MAIP1: variants seen among roughly 807,000 people sequenced by gnomAD.
MAIP1 encodes matrix AAA peptidase interacting protein 1.
Under a neutral mutation model 31.2 loss-of-function variants are expected in MAIP1, and 28 were observed. That is an observed-to-expected ratio of 0.90 (90% confidence interval 0.67 to 1.23). MAIP1 has a LOEUF of 1.23. MAIP1 is among the 50% of genes most tolerant of loss of function. The probability of loss-of-function intolerance (pLI) is 0.00; values close to 1 mark genes in which losing one functional copy is unlikely to be tolerated. For synonymous variants in MAIP1, 142 were observed against 142.3 expected, an observed-to-expected ratio of 1.00 and a Z score of 0.02; for missense variants, 339 against 356.0, an observed-to-expected ratio of 0.95 and a Z score of 0.38.
Position 199,956,210 on chromosome 2 carries a change from G to C in MAIP1, c.412G>C (p.Glu138Gln). 6.2e-7 allele frequency: 1 copy of C among 1,613,980 alleles called. No individual in the cohort carries two copies. Among genetic ancestry groups the C allele is most frequent in the Non-Finnish European group, 8.5e-7 (1 of 1,179,954 alleles). Residue 138 changes from glutamate (E) to glutamine (Q), a missense_variant, in exon 1 of 5, where the codon GAG becomes CAG. Coordinates refer to ENST00000392290, the MANE Select transcript of MAIP1 (RefSeq NM_001394955.1). ...CCTTATCTGGGCCTATTTCGACAAA[G>C]AGTTCAGCATCACAGAGTTCTCCGA... ...AFLIWAYFDK[E>Q]FSITEFSEGA... is the part of the protein sequence containing the mutation.
intron 4 of MAIP1, among the ~76,000 whole-genome samples, chr2:199,963,481 G>A (rs2077646813): frequency 6.6e-6 from 1 of 152,148 alleles, no homozygotes; most frequent in Middle Eastern, 3.4e-3. Flanking sequence ...TCTCTTAGGG[G>A]CTGGTAGATG....
intron 3 of MAIP1, among the ~76,000 whole-genome samples, chr2:199,960,936 T>C (rs1302404913): frequency 1.3e-5 from 2 of 152,168 alleles, no homozygotes; most frequent in Non-Finnish European, 2.9e-5. Flanking sequence ...GTGATAAATA[T>C]TTTCCGCTTC....
chr2:199,959,154 T>C (rs1386499493), intron 1 of MAIP1, 114 bp from the exon 2 acceptor site: 19 of 622,118 alleles, frequency 3.1e-5, no homozygotes, highest in Non-Finnish European at 4.7e-5. Flanking sequence ...TATTTGATGT[T>C]GTTTATCACT....
rs2105722424 is a variant in MAIP1, at chr2:199,956,193, G to C, written c.395G>C (p.Trp132Ser). Residue 132 changes from tryptophan (W) to serine (S), a missense_variant, in exon 1 of 5, where the codon TGG (tryptophan) becomes TCG (serine). Transcript: ENST00000392290. ...ACTCGAATTAAGGCCTTCCTTATCTGGGCCTATTTCGACAAAGAGTTCAGC... is the reference window on the plus strand; with the variant it reads ...ACTCGAATTAAGGCCTTCCTTATCTCGGCCTATTTCGACAAAGAGTTCAGC... ...VRTRIKAFLI[W>S]AYFDKEFSIT... 6.2e-7 allele frequency: 1 copy of C among 1,614,080 alleles called. No homozygotes were observed. Among genetic ancestry groups the C allele is most frequent in the Non-Finnish European group, 8.5e-7 (1 of 1,179,970 alleles).
Position 199,956,035 on chromosome 2 carries a change from G to C in MAIP1, c.237G>C (p.Pro79=). 6.2e-7 allele frequency: 1 copy of C among 1,609,470 alleles called. No homozygotes were observed. Among genetic ancestry groups the C allele is most frequent in the South Asian group, 1.1e-5 (1 of 90,672 alleles). The stretch of plus-strand genomic sequence containing the variant: ...CCCGGTGGCCAGTGCTCAGCAGCCC[G>C]GGACTCCCCGCAGCCTTCGCTTCTT... ...QGSRWPVLSS[P]GLPAAFASFP... is the part of the protein sequence containing the mutation. Residue 79 remains proline (P), a synonymous_variant, in exon 1 of 5, where the codon CCG becomes CCC. Coordinates refer to ENST00000392290, the MANE Select transcript of MAIP1 (RefSeq NM_001394955.1).
intron 4 of MAIP1, among the ~76,000 whole-genome samples, chr2:199,962,465 A>G (rs538210080): frequency 5.3e-5 from 8 of 152,318 alleles, no homozygotes; most frequent in African/African-American, 1.9e-4. Flanking sequence ...GAGGCAGAAA[A>G]TGGAAGCTGC....
intron 3 of MAIP1, among the ~76,000 whole-genome samples, chr2:199,961,276 A>G (rs1400530499): frequency 6.6e-6 from 1 of 152,122 alleles, no homozygotes; most frequent in Non-Finnish European, 1.5e-5. Flanking sequence ...CAGCCTGGGC[A>G]ACATGGCAAG....
chr2:199,958,764 T>A (rs2105725340), intron 1 of MAIP1, among the ~76,000 whole-genome samples: 2 of 152,302 alleles, frequency 1.3e-5, no homozygotes, highest in Middle Eastern at 6.8e-3. Flanking sequence ...ACTTCAAAGT[T>A]AGGATCTACT....
At chr2:199,963,173 G>A (rs947300438) in intron 4 of MAIP1, among the ~76,000 whole-genome samples, 4 of 151,972 alleles carry the variant, frequency 2.6e-5, no homozygotes, top group East Asian at 3.9e-4. Flanking sequence ...GAGCACTGTC[G>A]TCAATACTAA....
At chr2:199,958,668 G>T (rs1359252721) in intron 1 of MAIP1, among the ~76,000 whole-genome samples, 2 of 152,192 alleles carry the variant, frequency 1.3e-5, no homozygotes, top group African/African-American at 4.8e-5. Flanking sequence ...AGACAGGTAG[G>T]ATCTTAACTC....
Position 199,963,836 on chromosome 2 carries a change from G to A in MAIP1, c.*25G>A, listed in dbSNP as rs572310938. 4 of 1,479,952 alleles carry A rather than the reference G, an allele frequency of 2.7e-6. No individual in the cohort carries two copies. Among genetic ancestry groups the A allele is most frequent in the South Asian group, 1.2e-5 (1 of 85,002 alleles). 91.7% of individuals were successfully genotyped at this position (1,479,952 alleles called of 1,614,324 possible). Reference sequence around the variant, plus strand: ...ATTTTCTTGGAAAAATCAGCTTATGGACTTTAGCAGTTGCTGTGAAAAACT... The same window carrying A: ...ATTTTCTTGGAAAAATCAGCTTATGAACTTTAGCAGTTGCTGTGAAAAACT... On this transcript the variant is annotated 3_prime_UTR_variant, in exon 5 of 5. Transcript: ENST00000392290.
intron 4 of MAIP1, among the ~76,000 whole-genome samples, chr2:199,963,170 G>A (rs1490483972): frequency 6.6e-6 from 1 of 152,014 alleles, no homozygotes; most frequent in African/African-American, 2.4e-5. Flanking sequence ...AAAGAGCACT[G>A]TCGTCAATAC....
chr2:199,956,731 G>A lies in MAIP1; in HGVS notation c.450+483G>A, dbSNP rs185207632. ...GATAACATTTCCAAAGTGCTGTAAT[G>A]TCACCTTGGGTAGAAGAGCAGAACT... On this transcript the variant is annotated intron_variant, in intron 1 of 4. Coordinates refer to ENST00000392290, the MANE Select transcript of MAIP1 (RefSeq NM_001394955.1). Among the ~76,000 whole-genome samples the A allele has an allele frequency of 3.6e-3, 541 of 152,322 alleles. 2 individuals are homozygous for A. The highest frequency in any genetic ancestry group is 4.3e-3 in the Non-Finnish European group (293 of 68,024).
chr2:199,955,332 G>C, upstream of MAIP1: 1 of 1,575,390 alleles, frequency 6.3e-7, no homozygotes, highest in Admixed American at 1.8e-5. Flanking sequence ...CCAGCTGTCC[G>C]AAAGGTAAAG....
chr2:199,959,357 T>C lies in MAIP1; in HGVS notation c.522+18T>C. On this transcript the variant is annotated intron_variant, in intron 2 of 4. Transcript: ENST00000392290. ...CCAAAGAGGTAAAGTATATTTTACA[T>C]TTTGCTTTAAAAATAAATGCTATTC... The C allele has an allele frequency of 7.1e-7, 1 of 1,408,488 alleles. No homozygotes were observed. Among genetic ancestry groups the C allele is most frequent in the Non-Finnish European group, 1.0e-6 (1 of 995,442 alleles). 87.2% of individuals were successfully genotyped at this position (1,408,488 alleles called of 1,614,324 possible).
intron 3 of MAIP1, among the ~76,000 whole-genome samples, chr2:199,960,739 G>T (rs1029191133): frequency 6.6e-6 from 1 of 152,054 alleles, no homozygotes; most frequent in Non-Finnish European, 1.5e-5. Flanking sequence ...GTATCCACAG[G>T]GGGGTCCTGG....
intron 1 of MAIP1, among the ~76,000 whole-genome samples, chr2:199,957,183 A>G (rs1205264317): frequency 6.6e-6 from 1 of 152,064 alleles, no homozygotes; most frequent in Non-Finnish European, 1.5e-5. Flanking sequence ...GGTGGATCAC[A>G]AGGTCAGGAG....
intron 1 of MAIP1, among the ~76,000 whole-genome samples, chr2:199,958,558 C>G (rs281767): frequency 6.6e-6 from 1 of 151,958 alleles, no homozygotes; most frequent in African/African-American, 2.4e-5. Context: ...TTAGAAGGCT[C>G]TTCTGTATGC....
At chr2:199,956,803 C>G (rs1391319281) in intron 1 of MAIP1, among the ~76,000 whole-genome samples, 5 of 152,200 alleles carry the variant, frequency 3.3e-5, no homozygotes, top group Admixed American at 3.3e-4. Flanking sequence ...ACCCCATACT[C>G]CGTAAAGATT....
Sources: allele counts gnomAD v4.1 joint callset (sites outside exome capture counted in the v4.1 genomes callset), GRCh38; gene constraint gnomAD v4.1.1; transcripts MANE v1.5; gene names NCBI Gene and HGNC (gene_info 2026-07-23, HGNC 2026-07-21).